PHACTR4: variants seen among roughly 807,000 people sequenced by gnomAD.
PHACTR4 encodes the protein phosphatase and actin regulator 4, also known as protein phosphatase 1, regulatory subunit 124.
In PHACTR4, 51 loss-of-function variants were observed where a neutral mutation model predicts 72.7. The observed-to-expected ratio is 0.70, with a 90% CI of 0.56 to 0.89. The LOEUF is 0.89. Among genes scored for constraint, PHACTR4 ranks in the 40% least tolerant of loss-of-function variants. PHACTR4 has a pLI of 0.00. For missense variants in PHACTR4, 731 were observed against 861.8 expected, an observed-to-expected ratio of 0.85 and a Z score of 1.90; for synonymous variants, 255 against 302.5, an observed-to-expected ratio of 0.84 and a Z score of 1.63.
At position 28,402,484 on chromosome 1, in the gene PHACTR4, G is replaced by T. The variant is rs140017790; in HGVS notation, c.-38-4926G>T. On this transcript the variant is annotated intron_variant, in intron 1 of 13. Coordinates refer to ENST00000373839, the MANE Select transcript of PHACTR4 (RefSeq NM_001048183.3). ...TGGTAGAACTAGGCTAGGCATGTTG[G>T]CCTATGTCTGTAATCCCAACACTTT... Among the ~76,000 whole-genome samples, 20 of 152,262 alleles carry T rather than the reference G, an allele frequency of 1.3e-4. No homozygotes were observed. In the East Asian group the frequency reaches 1.9e-3, roughly 15 times the overall value.
intron 2 of PHACTR4, among the ~76,000 whole-genome samples, chr1:28,427,115 G>A (rs1330093188): frequency 6.6e-6 from 1 of 152,176 alleles, no homozygotes; most frequent in Non-Finnish European, 1.5e-5. Flanking sequence ...TGAGAACTGA[G>A]CAGCAAGTTT....
chr1:28,480,764 C>T (rs1383633901), intron 9 of PHACTR4, among the ~76,000 whole-genome samples, 160 bp downstream of exon 9: 2 of 152,072 alleles, frequency 1.3e-5, no homozygotes, highest in Non-Finnish European at 2.9e-5. Context: ...TCTCGGCTCA[C>T]TGTAACCTCC....
rs1652166670 is a variant in PHACTR4 at position 28,381,516 on chromosome 1, T to C, written c.-39+11691T>C. 2.0e-5 allele frequency among the ~76,000 whole-genome samples: 3 copies of C among 150,772 alleles called. No homozygotes were observed. In the South Asian group the frequency reaches 6.3e-4, roughly 32 times the overall value. ...AGTTAAACCATGTTAGCCAGTATGG[T>C]CTCGATCTCCTGACCTCGTGATCCG... On this transcript the variant is annotated intron_variant, in intron 1 of 13. Transcript: ENST00000373839.
chr1:28,496,489 A>G (rs1451691274), intron 13 of PHACTR4, 45 bp from the exon 14 acceptor site: 2 of 1,604,752 alleles, frequency 1.2e-6, no homozygotes, highest in East Asian at 4.5e-5. Flanking sequence ...ATAGCAAAGC[A>G]ATGTACATCA....
rs777721660 is a variant in PHACTR4, at chr1:28,407,440, A to G, written c.-8A>G. The G allele has an allele frequency of 6.2e-7, 1 of 1,607,322 alleles. No homozygotes were observed. Among genetic ancestry groups the G allele is most frequent in the African/African-American group, 1.3e-5 (1 of 74,756 alleles). ...GTATCTCACCTCCCTAAACTGGTTA[A>G]TAGTGGCATGGAAGATCCATTTGGT... On this transcript the variant is annotated 5_prime_UTR_variant, in exon 2 of 14. Transcript: ENST00000373839.
Position 28,476,216 on chromosome 1 carries a change from GAGA to G in PHACTR4, c.1534_1536del (p.Lys512del), listed in dbSNP as rs759452288. The G allele has an allele frequency of 3.5e-5, 56 of 1,611,326 alleles. No homozygotes were observed. Among genetic ancestry groups the G allele is most frequent in the Middle Eastern group, 3.3e-4 (2 of 6,068 alleles). On this transcript the variant is annotated inframe_deletion, in exon 8 of 14. Coordinates refer to ENST00000373839, the MANE Select transcript of PHACTR4 (RefSeq NM_001048183.3). Reference sequence around the variant, plus strand: ...ACCACAGTGTCTACGGGAGGAAGAAGAGAAGGAGAGCGACTCTGATTCAGAAGG... The same window carrying G: ...ACCACAGTGTCTACGGGAGGAAGAAGAGGAGAGCGACTCTGATTCAGAAGG...
chr1:28,442,380 C>CT (rs1349320143), intron 2 of PHACTR4, among the ~76,000 whole-genome samples: 1 of 150,746 alleles, frequency 6.6e-6, no homozygotes, highest in Non-Finnish European at 1.5e-5. Context: ...AGGAGAATCG[C>CT]TTGAAACAAG....
intron 2 of PHACTR4, among the ~76,000 whole-genome samples, chr1:28,433,617 C>T (rs1250742380): frequency 6.6e-6 from 1 of 151,230 alleles, no homozygotes; most frequent in African/African-American, 2.4e-5. Context: ...GCCACCACAC[C>T]CGGCTACTTT....
intron 1 of PHACTR4, among the ~76,000 whole-genome samples, chr1:28,394,400 C>T (rs529842618): frequency 1.3e-5 from 2 of 152,110 alleles, no homozygotes; most frequent in African/African-American, 2.4e-5. Context: ...ATCCTCCTGA[C>T]TTATCATCCT....
Position 28,392,500 on chromosome 1 carries a change from TCAAA to T in PHACTR4, c.-38-14906_-38-14903del, listed in dbSNP as rs1372752194. On this transcript the variant is annotated intron_variant, in intron 1 of 13. Coordinates refer to ENST00000373839, the MANE Select transcript of PHACTR4 (RefSeq NM_001048183.3). The stretch of plus-strand genomic sequence containing the variant: ...TCACTGCAACCTCCACCTCCTGAGC[TCAAA>T]CAATCCTTGCACCTCAGCCTCCAGA... Among the ~76,000 whole-genome samples, 4 of 151,820 alleles carry T rather than the reference TCAAA, an allele frequency of 2.6e-5. No individual in the cohort carries two copies. The East Asian group carries it at 7.7e-4, about 29-fold the overall frequency.
intron 2 of PHACTR4, among the ~76,000 whole-genome samples, chr1:28,450,929 G>C (rs1372114101): frequency 6.9e-6 from 1 of 145,314 alleles, no homozygotes; most frequent in Non-Finnish European, 1.5e-5. Flanking sequence ...TCATGCCTCA[G>C]CCTCCCCAGT....
chr1:28,433,428 T>A (rs1656411838), intron 2 of PHACTR4, among the ~76,000 whole-genome samples: 1 of 151,630 alleles, frequency 6.6e-6, no homozygotes. Context: ...GGCAACAGAC[T>A]TAGCATTTCT....
At chr1:28,423,162 C>G (rs1569900401) in intron 2 of PHACTR4, among the ~76,000 whole-genome samples, 2 of 152,184 alleles carry the variant, frequency 1.3e-5, no homozygotes, top group Admixed American at 1.3e-4. Context: ...CCTGTAATCC[C>G]AGCACTCTGG....
chr1:28,395,842 T>TTTTTG (rs1653456708), intron 1 of PHACTR4, among the ~76,000 whole-genome samples: 1 of 108,144 alleles, frequency 9.2e-6, no homozygotes, highest in Non-Finnish European at 1.8e-5. Context: ...TTTTTTTTTT[T>TTTTTG]AGTAGAGACG....
rs1570138126 is a variant in PHACTR4, at chr1:28,499,035, T to A, written c.*2486T>A. The A allele has an allele frequency of 7.9e-6, 1 of 126,840 alleles. No homozygotes were observed. Among genetic ancestry groups the A allele is most frequent in the South Asian group, 2.8e-4 (1 of 3,596 alleles). 7.9% of individuals were successfully genotyped at this position (126,840 alleles called of 1,614,324 possible). A position where few individuals can be genotyped will look rare whatever the true frequency, so the allele number is the denominator to read the frequency against. On this transcript the variant is annotated 3_prime_UTR_variant, in exon 14 of 14. Coordinates refer to ENST00000373839, the MANE Select transcript of PHACTR4 (RefSeq NM_001048183.3). ...GTGAGCCAAGATTGCACCACTGCAC[T>A]CCAGCCTGGGCAACAGAGCGAGACT...
intron 1 of PHACTR4, among the ~76,000 whole-genome samples, chr1:28,380,096 G>A (rs1192224606): frequency 1.7e-5 from 2 of 115,314 alleles, no homozygotes; most frequent in African/African-American, 3.5e-5. Flanking sequence ...TCGCTCTGTC[G>A]CCCAGGCTGG....
chr1:28,401,977 A>G (rs1258772687), intron 1 of PHACTR4, among the ~76,000 whole-genome samples: 3 of 152,142 alleles, frequency 2.0e-5, no homozygotes, highest in Non-Finnish European at 4.4e-5. Context: ...AGGGAGGTTA[A>G]TTAGGGGTTG....
chr1:28,494,761 T>C (rs535588699), intron 13 of PHACTR4, among the ~76,000 whole-genome samples: 138 of 152,266 alleles, frequency 9.1e-4, no homozygotes, highest in African/African-American at 3.2e-3. Flanking sequence ...TTTGGGGCAG[T>C]GTGGTGAAAA....
At chr1:28,397,334 A>G (rs770227517) in intron 1 of PHACTR4, among the ~76,000 whole-genome samples, 6 of 152,214 alleles carry the variant, frequency 3.9e-5, no homozygotes, top group East Asian at 3.8e-4. Flanking sequence ...TTATTCTGCA[A>G]TATTATCTTT....
Sources: gnomAD v4.1 joint callset for allele counts (sites outside exome capture counted in the v4.1 genomes callset) on GRCh38, gnomAD v4.1.1 for gene constraint, MANE v1.5 for transcripts, NCBI Gene and HGNC (gene_info 2026-07-23, HGNC 2026-07-21) for gene names.